The following AGBL4 variants were observed in gnomAD, a reference collection of about 807,000 sequenced individuals.
AGBL4 encodes AGBL carboxypeptidase 4, also known as cytosolic carboxypeptidase 6.
AGBL4 carries 58 observed loss-of-function variants against 66.4 expected under a neutral mutation model. The observed-to-expected ratio is 0.87, with a 90% confidence interval of 0.71 to 1.09. AGBL4 has a LOEUF of 1.09. AGBL4 is among the 50% of genes least tolerant of loss of function. The pLI is 0.00. For missense variants in AGBL4, 579 were observed against 631.0 expected, an observed-to-expected ratio of 0.92 and a Z score of 0.88; for synonymous variants, 234 against 222.9, an observed-to-expected ratio of 1.05 and a Z score of -0.44.
At chr1:50,015,676 C>T (rs1661924255) in intron 1 of AGBL4, among the ~76,000 whole-genome samples, 1 of 151,878 alleles carries the variant, frequency 6.6e-6, no homozygotes, top group Admixed American at 6.6e-5. Context: ...TAAATATACC[C>T]AAAGCAATTC....
At chr1:49,037,144 C>T (rs1033936165) in intron 5 of AGBL4, among the ~76,000 whole-genome samples, 4 of 152,092 alleles carry the variant, frequency 2.6e-5, no homozygotes, top group African/African-American at 9.7e-5. Flanking sequence ...AATATATTTG[C>T]TAAGTTTGAA....
chr1:49,658,311 T>C (rs1229600840), intron 3 of AGBL4, among the ~76,000 whole-genome samples: 23 of 152,166 alleles, frequency 1.5e-4, no homozygotes, highest in Admixed American at 9.2e-4. Context: ...CAATGAGATA[T>C]CATCTCACAC....
At chr1:49,867,160 G>A (rs1406758495) in intron 1 of AGBL4, among the ~76,000 whole-genome samples, 1 of 152,060 alleles carries the variant, frequency 6.6e-6, no homozygotes, top group Non-Finnish European at 1.5e-5. Flanking sequence ...ACACCTAGGT[G>A]TCTGCCAGCG....
At chr1:49,377,424 G>C (rs1644494394) in intron 3 of AGBL4, among the ~76,000 whole-genome samples, 1 of 152,064 alleles carries the variant, frequency 6.6e-6, no homozygotes, top group African/African-American at 2.4e-5. Context: ...TGGACACCCA[G>C]CTAGTAAGTG....
chr1:48,915,989 C>T (rs2148886708), intron 5 of AGBL4, among the ~76,000 whole-genome samples: 1 of 152,242 alleles, frequency 6.6e-6, no homozygotes, highest in Non-Finnish European at 1.5e-5. Flanking sequence ...GGCCTAGCTG[C>T]CTTGAGCCTA....
At chr1:49,764,300 G>GGTTTGTATAT (rs1652571566) in intron 2 of AGBL4, among the ~76,000 whole-genome samples, 3 of 152,112 alleles carry the variant, frequency 2.0e-5, no homozygotes, top group Non-Finnish European at 2.9e-5. Context: ...CACTGCCCCA[G>GGTTTGTATAT]TTGCCCCTAG....
At chr1:49,648,914 G>T (rs1645946747) in intron 3 of AGBL4, among the ~76,000 whole-genome samples, 1 of 151,998 alleles carries the variant, frequency 6.6e-6, no homozygotes. Flanking sequence ...GAGCATCAGA[G>T]AATAAATAAG....
intron 3 of AGBL4, among the ~76,000 whole-genome samples, chr1:49,262,963 T>C (rs1360408940): frequency 6.6e-6 from 1 of 152,214 alleles, no homozygotes; most frequent in Non-Finnish European, 1.5e-5. Flanking sequence ...CACCATGGAA[T>C]ACTATGCAGC....
At chr1:48,806,166 T>C (rs1645918999) in intron 6 of AGBL4, among the ~76,000 whole-genome samples, 1 of 152,202 alleles carries the variant, frequency 6.6e-6, no homozygotes, top group Non-Finnish European at 1.5e-5. Context: ...TGGATGCCTA[T>C]ATACACATTT....
intron 3 of AGBL4, among the ~76,000 whole-genome samples, chr1:49,656,537 G>A (rs1198368640): frequency 6.6e-6 from 1 of 152,046 alleles, no homozygotes; most frequent in Non-Finnish European, 1.5e-5. Flanking sequence ...ACCAAAGCCG[G>A]GCAGAGGCAC....
intron 6 of AGBL4, among the ~76,000 whole-genome samples, chr1:48,715,410 A>G (rs1647033231): frequency 6.6e-6 from 1 of 152,134 alleles, no homozygotes; most frequent in Non-Finnish European, 1.5e-5. Context: ...CTGCTTGACT[A>G]GTCCCTGGGT....
chr1:49,041,140 C>T (rs1643930888), intron 5 of AGBL4, among the ~76,000 whole-genome samples: 1 of 151,968 alleles, frequency 6.6e-6, no homozygotes, highest in Non-Finnish European at 1.5e-5. Context: ...ATAGTTCTAG[C>T]ACTAAAAATT....
chr1:49,821,348 A>T (rs766542829), intron 2 of AGBL4, among the ~76,000 whole-genome samples: 7 of 152,180 alleles, frequency 4.6e-5, no homozygotes, highest in African/African-American at 7.2e-5. Context: ...TTTAAACTGA[A>T]AACCTGTTTC....
chr1:48,960,251 G>C (rs1657852761), intron 5 of AGBL4, among the ~76,000 whole-genome samples: 1 of 152,132 alleles, frequency 6.6e-6, no homozygotes. Context: ...AGGAATAAAA[G>C]ATGATTTCAA....
chr1:49,529,791 T>C (rs1277431655), intron 3 of AGBL4, among the ~76,000 whole-genome samples: 5 of 152,024 alleles, frequency 3.3e-5, no homozygotes, highest in African/African-American at 1.2e-4. Flanking sequence ...CAGTTACAAA[T>C]GGGGTATGGC....
Position 48,929,552 on chromosome 1 carries a change from T to C in AGBL4, c.595-62322A>G, listed in dbSNP as rs1161802972. Among the ~76,000 whole-genome samples the C allele has an allele frequency of 5.3e-5, 8 of 152,322 alleles. No homozygotes were observed. In the East Asian group the frequency reaches 1.5e-3, roughly 29 times the overall value. ...TTATTTCTCTGATAAAACTTTTCACTCATGGCAACTTGTATGGCTTATAAC... is the reference window on the plus strand; with the variant it reads ...TTATTTCTCTGATAAAACTTTTCACCCATGGCAACTTGTATGGCTTATAAC... On this transcript the variant is annotated intron_variant, in intron 5 of 13. Coordinates refer to ENST00000371839, the MANE Select transcript of AGBL4 (RefSeq NM_032785.4).
chr1:49,844,658 T>A lies in AGBL4; in HGVS notation c.157+6738A>T. ...AAACTCTTTTGCCCTGGAACAGAGATTAAGGGACATTTCCAGTTTTTGCTT... is the reference window on the plus strand; with the variant it reads ...AAACTCTTTTGCCCTGGAACAGAGAATAAGGGACATTTCCAGTTTTTGCTT... On this transcript the variant is annotated intron_variant, in intron 2 of 13. Coordinates refer to ENST00000371839, the MANE Select transcript of AGBL4 (RefSeq NM_032785.4). 1.0e-5 allele frequency: 16 copies of A among 1,571,172 alleles called. No homozygotes were observed. In the South Asian group the frequency reaches 2.0e-4, roughly 19 times the overall value.
intron 1 of AGBL4, among the ~76,000 whole-genome samples, chr1:49,993,235 A>G (rs1375855454): frequency 1.2e-4 from 19 of 152,250 alleles, no homozygotes; most frequent in Non-Finnish European, 1.5e-5. Flanking sequence ...TGTGGTTACT[A>G]GCAAATTTAA....
At chr1:48,757,639 A>G (rs1005363445) in intron 6 of AGBL4, among the ~76,000 whole-genome samples, 1 of 152,318 alleles carries the variant, frequency 6.6e-6, no homozygotes, top group African/African-American at 2.4e-5. Flanking sequence ...GGACCACCCA[A>G]AGATCTACTG....
Sources: gnomAD v4.1 joint callset for allele counts (sites outside exome capture counted in the v4.1 genomes callset) on GRCh38, gnomAD v4.1.1 for gene constraint, MANE v1.5 for transcripts, NCBI Gene and HGNC (gene_info 2026-07-23, HGNC 2026-07-21) for gene names.